YTHDF3: variants seen among roughly 807,000 people sequenced by gnomAD.
The protein encoded by YTHDF3 is YTH N6-methyladenosine RNA binding protein F3.
YTHDF3 carries 9 observed loss-of-function variants against 52.5 expected under a neutral mutation model. That is an observed-to-expected ratio of 0.17 (90% CI 0.10 to 0.30). The LOEUF (loss-of-function observed/expected upper bound fraction) is 0.30, where lower values mean the gene tolerates loss of function less well. YTHDF3 is among the 10% of genes least tolerant of loss of function. The pLI is 1.00. For synonymous variants in YTHDF3, 274 were observed against 243.3 expected (o/e 1.13, Z -1.18); for missense variants, 534 against 715.0 (o/e 0.75, Z 2.89).
chr8:63,186,402 G>C lies in YTHDF3; in HGVS notation c.391G>C (p.Ala131Pro). 6.2e-7 allele frequency: 1 copy of C among 1,614,004 alleles called. No homozygotes were observed. The highest frequency in any genetic ancestry group is 8.5e-7 in the Non-Finnish European group (1 of 1,179,886). The change falls in exon 4 of 5, where the codon GCT becomes CCT. Residue 131 changes from alanine (A) to proline (P), a missense_variant. Physicochemically the swap from Ala to Pro is conservative, Grantham distance 27. Around this residue, in one of 3 missense-constraint regions of YTHDF3, gnomAD observed 196 missense variants for 299.5 expected, o/e 0.65. Transcript: ENST00000539294. Reference sequence around the variant, plus strand: ...TGGATTTAACTTTTTTCCTGGTAATGCTGATTTCTCTACATGGGGGACAAG... The same window carrying C: ...TGGATTTAACTTTTTTCCTGGTAATCCTGATTTCTCTACATGGGGGACAAG... ...QHGFNFFPGN[A>P]DFSTWGTSGS...
chr8:63,204,434 T>A (rs1253763723), intron 4 of YTHDF3, among the ~76,000 whole-genome samples: 2 of 149,668 alleles, frequency 1.3e-5, no homozygotes, highest in Non-Finnish European at 3.0e-5. Context: ...TGATCTCGGG[T>A]CACCGCACCC....
rs745595473 is a variant in YTHDF3 at position 63,169,422 on chromosome 8, AT to A, written c.49+22del. The A allele has an allele frequency of 6.7e-3, 8,099 of 1,204,882 alleles. No individual in the cohort carries two copies. Among genetic ancestry groups the A allele is most frequent in the Admixed American group, 0.011 (468 of 43,420 alleles). The allele number at this position is 1,204,882 out of a possible 1,614,324, so 74.6% of individuals were successfully genotyped here. On this transcript the variant is annotated intron_variant, in intron 2 of 4. Coordinates refer to ENST00000539294, the MANE Select transcript of YTHDF3 (RefSeq NM_152758.6). ...GGCAAGGAAATAAAGGTGAGTTTGG[AT>A]TTTTTTTTTTCTTATTGCTCAATGT...
At chr8:63,205,498 A>G (rs548694524) in intron 4 of YTHDF3, among the ~76,000 whole-genome samples, 19 of 150,476 alleles carry the variant, frequency 1.3e-4, no homozygotes, top group Non-Finnish European at 2.5e-4. Flanking sequence ...CAGTGGTGCA[A>G]TCTTGGCTCA....
chr8:63,205,943 C>T (rs1041336174), intron 4 of YTHDF3, among the ~76,000 whole-genome samples: 4 of 152,126 alleles, frequency 2.6e-5, no homozygotes, highest in African/African-American at 9.7e-5. Context: ...GGACTTTTTA[C>T]CATGCACTGT....
chr8:63,212,476 A>G lies in YTHDF3; in HGVS notation c.*2770A>G, dbSNP rs968880895. ...CAGCTTAAGTCATTTAATCATTTCA[A>G]GTGCATTCTGCATCCTTTAAAAATA... On this transcript the variant is annotated 3_prime_UTR_variant, in exon 5 of 5. Coordinates refer to ENST00000539294, the MANE Select transcript of YTHDF3 (RefSeq NM_152758.6). 6.5e-6 allele frequency: 1 copy of G among 152,678 alleles called. No homozygotes were observed. Among genetic ancestry groups the G allele is most frequent in the African/African-American group, 2.4e-5 (1 of 41,478 alleles). 9.5% of individuals were successfully genotyped at this position (152,678 alleles called of 1,614,324 possible).
chr8:63,204,364 T>G (rs1173223616), intron 4 of YTHDF3, among the ~76,000 whole-genome samples: 10 of 148,804 alleles, frequency 6.7e-5, no homozygotes, highest in Admixed American at 1.3e-4. Flanking sequence ...GTTTGTTGTT[T>G]TTTTTTTTTT....
At chr8:63,174,476 A>G (rs753845821) in intron 2 of YTHDF3, among the ~76,000 whole-genome samples, 1 of 152,226 alleles carries the variant, frequency 6.6e-6, no homozygotes, top group African/African-American at 2.4e-5. Context: ...CGAACAGTCA[A>G]AGGTTAGAGA....
intron 2 of YTHDF3, chr8:63,172,851 A>G (rs1807421278): frequency 2.5e-6 from 3 of 1,205,676 alleles, no homozygotes; most frequent in African/African-American, 3.1e-5. Flanking sequence ...CTATGGAACT[A>G]GCTTGGATTT....
intron 4 of YTHDF3, among the ~76,000 whole-genome samples, chr8:63,193,740 G>A (rs552525338): frequency 2.0e-5 from 3 of 152,216 alleles, no homozygotes. Flanking sequence ...AAAGGCTTAC[G>A]AAAAATGAGG....
chr8:63,192,266 C>G (rs1808961460), intron 4 of YTHDF3, among the ~76,000 whole-genome samples: 1 of 152,104 alleles, frequency 6.6e-6, no homozygotes, highest in South Asian at 2.1e-4. Context: ...AGTCATTGAA[C>G]CAGTAAGAGA....
intron 4 of YTHDF3, among the ~76,000 whole-genome samples, chr8:63,198,758 G>A (rs1032126517): frequency 3.3e-5 from 5 of 152,134 alleles, no homozygotes; most frequent in African/African-American, 9.7e-5. Flanking sequence ...TTTTAGTAAC[G>A]TGGATTGAAG....
chr8:63,175,464 G>A, intron 3 of YTHDF3, 48 bp downstream of exon 3: 2 of 1,396,396 alleles, frequency 1.4e-6, no homozygotes, highest in Non-Finnish European at 2.0e-6. Context: ...CCTTTTATTA[G>A]TATTAGTTGA....
intron 3 of YTHDF3, among the ~76,000 whole-genome samples, chr8:63,180,405 C>T (rs1352722100): frequency 6.6e-6 from 1 of 151,422 alleles, no homozygotes; most frequent in Non-Finnish European, 1.5e-5. Context: ...TCCTCACTTC[C>T]CAGATGGGAT....
At chr8:63,177,271 GT>G (rs1807758438) in intron 3 of YTHDF3, among the ~76,000 whole-genome samples, 1 of 152,132 alleles carries the variant, frequency 6.6e-6, no homozygotes, top group Non-Finnish European at 1.5e-5. Context: ...ATGGAGAGTG[GT>G]GGTTGTGTTC....
intron 4 of YTHDF3, among the ~76,000 whole-genome samples, chr8:63,207,568 T>C (rs558078088): frequency 1.6e-4 from 25 of 152,310 alleles, no homozygotes. Flanking sequence ...ATGCATTATA[T>C]ATATAGACGT....
At chr8:63,173,749 G>T (rs1225150599) in intron 2 of YTHDF3, 10 of 931,300 alleles carry the variant, frequency 1.1e-5, no homozygotes, top group Non-Finnish European at 1.3e-5. Flanking sequence ...GTAACCTAAG[G>T]CACCCTCTTT....
At chr8:63,197,404 A>T (rs1809307650) in intron 4 of YTHDF3, among the ~76,000 whole-genome samples, 1 of 152,190 alleles carries the variant, frequency 6.6e-6, no homozygotes, top group Non-Finnish European at 1.5e-5. Context: ...GGACAGTAGG[A>T]TATAAAAGAT....
In YTHDF3 at chr8:63,168,755, G is replaced by C; in HGVS notation, c.-123G>C. The C allele has an allele frequency of 6.5e-7, 1 of 1,542,748 alleles. No homozygotes were observed. ...GAGGCCCTCATTTTGGGTTCTCAGC[G>C]AACGGCGGCAGCGGCGGCGGCTGGA... On this transcript the variant is annotated 5_prime_UTR_variant, in exon 1 of 5. Transcript: ENST00000539294.
At chr8:63,195,356 AT>A (rs547088744) in intron 4 of YTHDF3, among the ~76,000 whole-genome samples, 34 of 152,362 alleles carry the variant, frequency 2.2e-4, no homozygotes, top group African/African-American at 7.9e-4. Flanking sequence ...GTTAGGAAGG[AT>A]TCCTGTGTAA....
Sources: allele counts gnomAD v4.1 joint callset (sites outside exome capture counted in the v4.1 genomes callset), GRCh38; gene constraint gnomAD v4.1.1; regional missense constraint gnomAD v4.1.1; transcripts MANE v1.5; gene names NCBI Gene and HGNC (gene_info 2026-07-23, HGNC 2026-07-21).